CHD8: variants seen among roughly 807,000 people sequenced by gnomAD.
The protein encoded by CHD8 is ATP-dependent chromatin remodeler CHD8.
CHD8 carries 31 observed loss-of-function variants against 279.2 expected under a neutral mutation model. The observed-to-expected ratio is 0.11, with a 90% CI of 0.08 to 0.15. The LOEUF (loss-of-function observed/expected upper bound fraction) is 0.15. Ranked by LOEUF, CHD8 falls within the 10% of genes least tolerant of loss-of-function variation. The pLI, the probability that CHD8 is intolerant of heterozygous loss-of-function variation, is 1.00. For synonymous variants in CHD8, 1,081 were observed against 1,139.6 expected (o/e 0.95, Z 1.04); for missense variants, 2,146 against 3,230.5 (o/e 0.66, Z 8.14).
At position 21,414,021 on chromosome 14, in the gene CHD8, A is replaced by C; in HGVS notation, c.2142+280T>G. On this transcript the variant is annotated intron_variant, in intron 9 of 37. Transcript: ENST00000646647. ...GCTAAAGAAAGACAAAGAATGCCTC[A>C]AGTGGACCAGCAGTCAGTGTATCAT... 2 of 295,502 alleles carry C rather than the reference A, an allele frequency of 6.8e-6. 1 individual carries two copies. Among genetic ancestry groups the C allele is most frequent in the South Asian group, 1.0e-4 (2 of 19,266 alleles). 18.3% of individuals were successfully genotyped at this position (295,502 alleles called of 1,614,324 possible).
chr14:21,443,997 C>T (rs998098741), intron 1 of CHD8, among the ~76,000 whole-genome samples: 1 of 151,760 alleles, frequency 6.6e-6, no homozygotes, highest in African/African-American at 2.4e-5. Flanking sequence ...ATGTGTAGTC[C>T]TCTTTTAGGA....
At chr14:21,389,031 G>A (rs1887406530) in intron 37 of CHD8, among the ~76,000 whole-genome samples, 1 of 152,220 alleles carries the variant, frequency 6.6e-6, no homozygotes, top group Admixed American at 6.5e-5. Flanking sequence ...ACCAGGCGCT[G>A]TGGCTCACGC....
Position 21,391,110 on chromosome 14 carries a change from T to C in CHD8, c.7066-47A>G, listed in dbSNP as rs776159118. 67 of 1,172,290 alleles carry C rather than the reference T, an allele frequency of 5.7e-5. 1 individual carries two copies. Among genetic ancestry groups the C allele is most frequent in the Non-Finnish European group, 6.2e-6 (5 of 803,852 alleles). The allele number at this position is 1,172,290 out of a possible 1,614,324, so 72.6% of individuals were successfully genotyped here. ...ATCCTAGAGGAATAGAAATCTTCTC[T>C]GGAGTAATTATTAAAGTACTAGTGT... is the stretch of plus-strand genomic sequence containing the variant. On this transcript the variant is annotated intron_variant, in intron 36 of 37. Transcript: ENST00000646647.
In CHD8 at chr14:21,392,606, C is replaced by T; in HGVS notation, c.6672G>A (p.Met2224Ile). ...TGACTGCAGATGCTTCCTCCTCTGC[C>T]ATGGAAGCTGCACTACTACTTCGTG... ...PTPRSSSAAS[M>I]AEEEASAVST... The change falls in exon 34 of 38, where the codon ATG becomes ATA. Residue 2224 changes from methionine to isoleucine, a missense_variant. Physicochemically the swap from Met to Ile is conservative, Grantham distance 10. Coordinates refer to ENST00000646647, the MANE Select transcript of CHD8 (RefSeq NM_001170629.2). 1.2e-6 allele frequency: 2 copies of T among 1,613,926 alleles called. No homozygotes were observed. The highest frequency in any genetic ancestry group is 2.2e-5 in the East Asian group (1 of 44,882).
intron 4 of CHD8, 173 bp from the exon 5 acceptor site, chr14:21,426,415 G>T: frequency 1.7e-6 from 1 of 573,212 alleles, no homozygotes; most frequent in Non-Finnish European, 3.1e-6. Context: ...GAAGATATTA[G>T]GGTTTGTAAA....
In CHD8 at chr14:21,415,826, C is replaced by G. The variant is rs1555316522; in HGVS notation, c.1798G>C (p.Glu600Gln). Residue 600 changes from glutamate (E) to glutamine (Q), a missense_variant, in exon 6 of 38, where the codon GAA becomes CAA. Glu to Gln is a conservative substitution (Grantham distance 29). Transcript: ENST00000646647. ...DIKITDDEEE[E>Q]EVDVTGPIKP... Reference sequence around the variant, plus strand: ...ATTGGACCAGTTACATCCACCTCTTCTTCTTCTTCATCATCTGTGATCTTT... The same window carrying G: ...ATTGGACCAGTTACATCCACCTCTTGTTCTTCTTCATCATCTGTGATCTTT... 4.3e-6 allele frequency: 7 copies of G among 1,613,978 alleles called. No homozygotes were observed. The highest frequency in any genetic ancestry group is 5.1e-6 in the Non-Finnish European group (6 of 1,179,846).
At position 21,431,740 on chromosome 14, in the gene CHD8, T is replaced by C. The variant is rs1278196048; in HGVS notation, c.-97A>G. 1 of 1,611,184 alleles carries C rather than the reference T, an allele frequency of 6.2e-7. No homozygotes were observed. Among genetic ancestry groups the C allele is most frequent in the African/African-American group, 1.3e-5 (1 of 74,516 alleles). On this transcript the variant is annotated 5_prime_UTR_variant, in exon 2 of 38. Coordinates refer to ENST00000646647, the MANE Select transcript of CHD8 (RefSeq NM_001170629.2). ...CTCCCCTCCCCTATTAAGAAAAAAA[T>C]GTACACAATGTAAGAGGACTACTCT...
At chr14:21,392,925 G>A (rs1215432505) in intron 33 of CHD8, 116 bp from the exon 34 acceptor site, 3 of 1,256,038 alleles carry the variant, frequency 2.4e-6, no homozygotes, top group South Asian at 1.4e-5. Context: ...AGGCAGAAAA[G>A]AGGAAGTTAA....
In CHD8 at chr14:21,439,133, G is replaced by GA. The variant is rs372737115; in HGVS notation, c.-215-7276dup. Among the ~76,000 whole-genome samples, 6 of 149,570 alleles carry GA rather than the reference G, an allele frequency of 4.0e-5. No homozygotes were observed. In the East Asian group the frequency reaches 5.8e-4, roughly 15 times the overall value. On this transcript the variant is annotated intron_variant, in intron 1 of 37. Coordinates refer to ENST00000646647, the MANE Select transcript of CHD8 (RefSeq NM_001170629.2). ...CACAGTGAAACAATGTCTCAAAAAA[G>GA]AAAAAAAAAGGGCGGCTTATCTCCT... is the stretch of plus-strand genomic sequence containing the variant.
intron 5 of CHD8, chr14:21,425,877 A>G (rs572462526): frequency 3.3e-4 from 133 of 399,284 alleles, no homozygotes; most frequent in Admixed American, 7.1e-4. Flanking sequence ...CAGAGGGTGC[A>G]GTAAGCTGAG....
At position 21,402,533 on chromosome 14, in the gene CHD8, A is replaced by G. The variant is rs1187398526; in HGVS notation, c.3715-30T>C. On this transcript the variant is annotated intron_variant, in intron 18 of 37. Coordinates refer to ENST00000646647, the MANE Select transcript of CHD8 (RefSeq NM_001170629.2). The surrounding 1 kb of genome is among the most constrained non-coding windows in gnomAD (Gnocchi z 4.5). Reference sequence around the variant, plus strand: ...TTTAAAATAAAAACGAAAGGAAAGGAGAAAGATATCATAAAATTAGCAAGG... The same window carrying G: ...TTTAAAATAAAAACGAAAGGAAAGGGGAAAGATATCATAAAATTAGCAAGG... 6.4e-7 allele frequency: 1 copy of G among 1,551,962 alleles called. No homozygotes were observed.
chr14:21,428,729 A>G (rs1364422754), intron 3 of CHD8, among the ~76,000 whole-genome samples: 2 of 152,256 alleles, frequency 1.3e-5, no homozygotes, highest in Non-Finnish European at 2.9e-5. Flanking sequence ...AAATAAAACA[A>G]TTCAAAGATA....
At chr14:21,427,380 T>C (rs1889369384) in intron 4 of CHD8, 2 of 477,806 alleles carry the variant, frequency 4.2e-6, no homozygotes, top group Admixed American at 9.2e-5. Context: ...TTGAGCTTAC[T>C]CTTGCACGTC....
At chr14:21,440,400 T>G (rs1169794052) in intron 1 of CHD8, among the ~76,000 whole-genome samples, 2 of 152,056 alleles carry the variant, frequency 1.3e-5, no homozygotes, top group East Asian at 1.9e-4. Context: ...AGAGATGAGG[T>G]TTCACCATGT....
intron 1 of CHD8, among the ~76,000 whole-genome samples, chr14:21,433,923 C>T (rs900348898): frequency 3.3e-5 from 5 of 152,026 alleles, no homozygotes; most frequent in Non-Finnish European, 7.4e-5. Context: ...TTCCCATTAT[C>T]ATCAGCTTTT....
chr14:21,398,993 T>C (rs1887914723), intron 26 of CHD8: 6 of 416,110 alleles, frequency 1.4e-5, no homozygotes, highest in Admixed American at 8.7e-5. Context: ...GTGACACCAG[T>C]GAAAATGTCA....
chr14:21,401,730 G>C, intron 20 of CHD8: 2 of 581,212 alleles, frequency 3.4e-6, no homozygotes, highest in South Asian at 4.5e-5. Flanking sequence ...GACGACAGGC[G>C]CAAGCCACCA....
chr14:21,395,249 C>T (rs1342267242), intron 29 of CHD8, 49 bp downstream of exon 29: 1 of 1,548,638 alleles, frequency 6.5e-7, no homozygotes, highest in Non-Finnish European at 8.9e-7. Flanking sequence ...GAATAATTCC[C>T]CAACCCACCA....
At chr14:21,423,535 G>A (rs115864416) in intron 5 of CHD8, among the ~76,000 whole-genome samples, 1,534 of 151,428 alleles carry the variant, frequency 0.01, 24 homozygotes, top group African/African-American at 0.032. Context: ...TTTTTTTGGC[G>A]GGGGGAGTCA....
Sources: allele counts gnomAD v4.1 joint callset (sites outside exome capture counted in the v4.1 genomes callset), GRCh38; gene constraint gnomAD v4.1.1; non-coding constraint Gnocchi (gnomAD v3.1); transcripts MANE v1.5; gene names NCBI Gene and HGNC (gene_info 2026-07-23, HGNC 2026-07-21).